The following RSPO2 variants were observed in gnomAD, a reference collection of about 807,000 sequenced individuals.
The protein encoded by RSPO2 is R-spondin-2.
Under a neutral mutation model 30.9 loss-of-function variants are expected in RSPO2, and 14 were observed. The observed-to-expected ratio is 0.45, with a 90% confidence interval of 0.30 to 0.71. The LOEUF (loss-of-function observed/expected upper bound fraction) is 0.71. RSPO2 is among the 30% of genes least tolerant of loss of function. RSPO2 has a pLI of 0.08. For synonymous variants in RSPO2, 107 were observed against 96.4 expected (o/e 1.11, Z -0.64); for missense variants, 264 against 301.9 (o/e 0.87, Z 0.93).
At chr8:108,072,690 T>C (rs1419158499) in intron 2 of RSPO2, among the ~76,000 whole-genome samples, 1 of 151,806 alleles carries the variant, frequency 6.6e-6, no homozygotes, top group African/African-American at 2.4e-5. Context: ...CAAGGGGGAA[T>C]AAGAACTTAA....
intron 5 of RSPO2, among the ~76,000 whole-genome samples, chr8:107,921,860 G>A (rs780226573): frequency 1.4e-4 from 22 of 152,022 alleles, no homozygotes; most frequent in Non-Finnish European, 2.6e-4. Flanking sequence ...AAAAACACAT[G>A]ATTACCTCAA....
chr8:108,078,844 G>A (rs1338963850), intron 2 of RSPO2, among the ~76,000 whole-genome samples: 1 of 152,126 alleles, frequency 6.6e-6, no homozygotes, highest in Admixed American at 6.5e-5. Context: ...TTGCTGCATT[G>A]AGAATTATAT....
chr8:107,928,725 G>A (rs565379779), intron 5 of RSPO2, among the ~76,000 whole-genome samples: 14 of 152,142 alleles, frequency 9.2e-5, no homozygotes, highest in Non-Finnish European at 1.9e-4. Flanking sequence ...GCTTCATAGC[G>A]GGTATCTTCT....
chr8:107,911,094 C>T (rs1811809790), intron 5 of RSPO2, among the ~76,000 whole-genome samples: 1 of 152,138 alleles, frequency 6.6e-6, no homozygotes, highest in Admixed American at 6.5e-5. Context: ...ATGAACTCTC[C>T]TGTTCTTCCT....
chr8:108,045,948 A>G (rs574731229), intron 2 of RSPO2, among the ~76,000 whole-genome samples: 5 of 152,272 alleles, frequency 3.3e-5, no homozygotes, highest in Non-Finnish European at 5.9e-5. Flanking sequence ...TACCTTGTCA[A>G]CTTTATTCAC....
chr8:108,008,795 A>AAAAAT (rs1554581519), intron 2 of RSPO2, among the ~76,000 whole-genome samples: 14 of 150,530 alleles, frequency 9.3e-5, no homozygotes, highest in African/African-American at 1.5e-4. Context: ...TGCAAAAAAA[A>AAAAAT]AAAAATAAAG....
intron 5 of RSPO2, among the ~76,000 whole-genome samples, chr8:107,925,418 A>C (rs1812331795): frequency 6.6e-6 from 1 of 151,180 alleles, no homozygotes; most frequent in Non-Finnish European, 1.5e-5. Flanking sequence ...TATATTTTTT[A>C]TTATACTTTA....
intron 5 of RSPO2, among the ~76,000 whole-genome samples, chr8:107,901,650 G>A (rs150641492): frequency 9.0e-4 from 137 of 152,328 alleles, no homozygotes; most frequent in African/African-American, 3.2e-3. Flanking sequence ...AAAGAGTCTT[G>A]CTTTTAACAT....
chr8:107,922,080 A>G (rs910320988), intron 5 of RSPO2, among the ~76,000 whole-genome samples: 11 of 152,182 alleles, frequency 7.2e-5, no homozygotes, highest in Admixed American at 4.6e-4. Context: ...TATTCAACAT[A>G]GTATTGGAAG....
chr8:108,036,623 A>G (rs1441881364), intron 2 of RSPO2, among the ~76,000 whole-genome samples: 1 of 152,190 alleles, frequency 6.6e-6, no homozygotes, highest in Non-Finnish European at 1.5e-5. Context: ...TTACAAAAAT[A>G]TCTCATTTTC....
At chr8:107,946,131 T>C (rs1370277724) in intron 5 of RSPO2, among the ~76,000 whole-genome samples, 1 of 152,188 alleles carries the variant, frequency 6.6e-6, no homozygotes, top group African/African-American at 2.4e-5. Context: ...AACTCACACT[T>C]TGTGATCCTT....
rs561889010 is a variant in RSPO2, at chr8:107,948,254, T to C, written c.616+9826A>G. ...TCCCATTTCTTTAGAACATAGGAAG[T>C]AATGGATGCTTAATTGATTCAATGG... On this transcript the variant is annotated intron_variant, in intron 5 of 5. Transcript: ENST00000276659. Among the ~76,000 whole-genome samples, 133 of 152,294 alleles carry C rather than the reference T, an allele frequency of 8.7e-4. 1 individual carries two copies. The highest frequency in any genetic ancestry group is 3.4e-3 in the Middle Eastern group (1 of 294).
chr8:107,979,537 A>G lies in RSPO2; in HGVS notation c.283+9519T>C, dbSNP rs60445331. Among the ~76,000 whole-genome samples, 998 of 152,248 alleles carry G rather than the reference A, an allele frequency of 6.6e-3. 13 individuals carry two copies. The highest frequency in any genetic ancestry group is 0.022 in the African/African-American group (928 of 41,550). ...CACACACTGGGGACTGTTGTGGGGTAGCGGGAAGGGGGAGGGATAGCATTA... is the reference window on the plus strand; with the variant it reads ...CACACACTGGGGACTGTTGTGGGGTGGCGGGAAGGGGGAGGGATAGCATTA... On this transcript the variant is annotated intron_variant, in intron 3 of 5. Coordinates refer to ENST00000276659, the MANE Select transcript of RSPO2 (RefSeq NM_178565.5).
intron 3 of RSPO2, among the ~76,000 whole-genome samples, chr8:107,973,137 G>A (rs752179221): frequency 2.6e-5 from 4 of 151,960 alleles, no homozygotes; most frequent in Non-Finnish European, 5.9e-5. Context: ...GGGCATGGTG[G>A]CAGGCACCTG....
At chr8:108,072,343 T>TTG (rs1812873666) in intron 2 of RSPO2, among the ~76,000 whole-genome samples, 1 of 136,556 alleles carries the variant, frequency 7.3e-6, no homozygotes, top group African/African-American at 3.0e-5. Flanking sequence ...TTTTTTTTTT[T>TTG]GAGACAGAGT....
chr8:108,000,291 C>T (rs528898714), intron 2 of RSPO2, among the ~76,000 whole-genome samples: 11 of 152,166 alleles, frequency 7.2e-5, no homozygotes, highest in East Asian at 1.9e-4. Flanking sequence ...CAAATAATCA[C>T]GGTGGTCATC....
intron 3 of RSPO2, among the ~76,000 whole-genome samples, chr8:107,970,934 G>C (rs1036686440): frequency 6.6e-6 from 1 of 152,202 alleles, no homozygotes; most frequent in African/African-American, 2.4e-5. Context: ...AGTAGATACA[G>C]TCTTGGTTGT....
rs775542008 is a variant in RSPO2, at chr8:107,937,838, C to CA, written c.616+20241dup. 4.6e-5 allele frequency among the ~76,000 whole-genome samples: 7 copies of CA among 152,118 alleles called. No homozygotes were observed. The East Asian group carries it at 1.2e-3, about 25-fold the overall frequency. ...AATTTTTAGTAACTGGATGCTTCAC[C>CA]AAATGAATTTGATCCATATACAGGT... On this transcript the variant is annotated intron_variant, in intron 5 of 5. Coordinates refer to ENST00000276659, the MANE Select transcript of RSPO2 (RefSeq NM_178565.5).
chr8:108,042,710 A>C (rs1282392861), intron 2 of RSPO2, among the ~76,000 whole-genome samples: 1 of 152,168 alleles, frequency 6.6e-6, no homozygotes, highest in African/African-American at 2.4e-5. Context: ...TGGTAAGTGC[A>C]GTATGGCTTT....
Sources: allele counts gnomAD v4.1 joint callset (sites outside exome capture counted in the v4.1 genomes callset), GRCh38; gene constraint gnomAD v4.1.1; transcripts MANE v1.5; gene names NCBI Gene and HGNC (gene_info 2026-07-23, HGNC 2026-07-21).